Variants in C1QTNF7 observed in about 807,000 individuals in gnomAD.
C1QTNF7 encodes the protein complement C1q tumor necrosis factor-related protein 7.
C1QTNF7 carries 15 observed loss-of-function variants against 19.6 expected under a neutral mutation model. That is an observed-to-expected ratio of 0.76 (90% CI 0.51 to 1.18). The LOEUF (loss-of-function observed/expected upper bound fraction) is 1.18. Among genes scored for constraint, C1QTNF7 ranks in the 50% most tolerant of loss-of-function variants. The probability of loss-of-function intolerance (pLI) is 0.00; values close to 1 mark genes in which losing one functional copy is unlikely to be tolerated. For missense variants in C1QTNF7, 324 were observed against 359.7 expected, an observed-to-expected ratio of 0.90 and a Z score of 0.80; for synonymous variants, 142 against 137.5, an observed-to-expected ratio of 1.03 and a Z score of -0.23.
intron 1 of C1QTNF7, among the ~76,000 whole-genome samples, chr4:15,371,718 G>A (rs1717735476): frequency 6.6e-6 from 1 of 152,110 alleles, no homozygotes; most frequent in African/African-American, 2.4e-5. Flanking sequence ...ACATCCCGGG[G>A]AAGAAGCATG....
intron 1 of C1QTNF7, among the ~76,000 whole-genome samples, chr4:15,428,588 G>C (rs1221795651): frequency 6.6e-6 from 1 of 152,170 alleles, no homozygotes; most frequent in African/African-American, 2.4e-5. Flanking sequence ...CAATTGTGTG[G>C]CCTTGCAGGG....
At chr4:15,386,481 A>G (rs1420900962) in intron 1 of C1QTNF7, among the ~76,000 whole-genome samples, 1 of 151,630 alleles carries the variant, frequency 6.6e-6, no homozygotes, top group Admixed American at 6.6e-5. Flanking sequence ...CTTATATTTT[A>G]TGGGGAAGAC....
chr4:15,428,171 C>T (rs374998364), intron 1 of C1QTNF7, 65 bp downstream of exon 1: 38 of 740,910 alleles, frequency 5.1e-5, no homozygotes, highest in South Asian at 4.3e-4. Flanking sequence ...GTTCTCGTGA[C>T]GGGAGCTTTT....
intron 1 of C1QTNF7, among the ~76,000 whole-genome samples, chr4:15,357,844 C>A (rs1042257518): frequency 6.6e-6 from 1 of 152,234 alleles, no homozygotes; most frequent in Non-Finnish European, 1.5e-5. Context: ...CTCTTTGTAG[C>A]AATTGTGAAT....
At chr4:15,378,526 C>G (rs1195458411) in intron 1 of C1QTNF7, among the ~76,000 whole-genome samples, 1 of 152,178 alleles carries the variant, frequency 6.6e-6, no homozygotes, top group African/African-American at 2.4e-5. Flanking sequence ...TCATCACAGA[C>G]AAACTAGTAT....
At chr4:15,407,333 G>C (rs889938276) in intron 1 of C1QTNF7, among the ~76,000 whole-genome samples, 9 of 152,188 alleles carry the variant, frequency 5.9e-5, no homozygotes, top group African/African-American at 2.2e-4. Flanking sequence ...TTGCAAAGTA[G>C]TTATTATTCT....
Position 15,435,832 on chromosome 4 carries a change from C to T in C1QTNF7, c.89C>T (p.Pro30Leu). The part of the protein sequence containing the change: ...GNQLKGENYS[P>L]RYICSIPGLP... ...CAGTTGAAAGGAGAGAACTACTCCC[C>T]CAGGTATATCTGCAGCATTCCTGGC... The change falls in exon 2 of 3, where the codon CCC (proline) becomes CTC (leucine). Residue 30 changes from proline (P) to leucine (L), a missense_variant. Pro to Leu is a moderately conservative substitution (Grantham distance 98). Coordinates refer to ENST00000444304, the MANE Select transcript of C1QTNF7 (RefSeq NM_031911.5). 2 of 1,614,116 alleles carry T rather than the reference C, an allele frequency of 1.2e-6. No homozygotes were observed. The highest frequency in any genetic ancestry group is 1.7e-6 in the Non-Finnish European group (2 of 1,180,028).
At chr4:15,416,869 T>A (rs1274604811) in intron 1 of C1QTNF7, among the ~76,000 whole-genome samples, 1 of 152,224 alleles carries the variant, frequency 6.6e-6, no homozygotes, top group Non-Finnish European at 1.5e-5. Context: ...AGGCTTCAGT[T>A]GAAAGAAAAA....
At chr4:15,439,140 G>A (rs1712648828) in intron 2 of C1QTNF7, among the ~76,000 whole-genome samples, 2 of 152,196 alleles carry the variant, frequency 1.3e-5, no homozygotes, top group South Asian at 2.1e-4. Context: ...GAAGGACAAT[G>A]ACTCATCCCT....
At chr4:15,418,709 G>C (rs1711574062) in intron 1 of C1QTNF7, among the ~76,000 whole-genome samples, 1 of 138,868 alleles carries the variant, frequency 7.2e-6, no homozygotes, top group Non-Finnish European at 1.7e-5. Flanking sequence ...AAATACAGTA[G>C]TTAAGTGTCC....
intron 1 of C1QTNF7, among the ~76,000 whole-genome samples, chr4:15,410,203 C>A (rs995826519): frequency 2.0e-5 from 3 of 152,064 alleles, no homozygotes; most frequent in Admixed American, 6.6e-5. Context: ...TATTTTGGAG[C>A]TTTGGCTTAT....
chr4:15,359,023 G>A (rs1717245281), intron 1 of C1QTNF7, among the ~76,000 whole-genome samples: 1 of 152,140 alleles, frequency 6.6e-6, no homozygotes, highest in Non-Finnish European at 1.5e-5. Flanking sequence ...GGACAATTGG[G>A]CATGCACCAG....
chr4:15,384,080 A>G (rs1718243835), intron 1 of C1QTNF7, among the ~76,000 whole-genome samples: 1 of 152,258 alleles, frequency 6.6e-6, no homozygotes, highest in Non-Finnish European at 1.5e-5. Context: ...CCACTGAGGC[A>G]GGTGAGAAGC....
At chr4:15,374,720 C>T in intron 1 of C1QTNF7, 1 of 985,372 alleles carries the variant, frequency 1.0e-6, no homozygotes, top group Non-Finnish European at 1.2e-6. Flanking sequence ...TCCACATCTG[C>T]GCACACTAGA....
In C1QTNF7 at chr4:15,361,033, C is replaced by G. The variant is rs550897660; in HGVS notation, c.13+20826C>G. The G allele has an allele frequency of 2.0e-5, 3 of 152,222 alleles. No homozygotes were observed. In the East Asian group the frequency reaches 5.8e-4, roughly 29 times the overall value. 9.4% of individuals were successfully genotyped at this position (152,222 alleles called of 1,614,324 possible). A position where few individuals can be genotyped will look rare whatever the true frequency, so the allele number is the denominator to read the frequency against. On this transcript the variant is annotated intron_variant, in intron 1 of 2. Coordinates refer to the C1QTNF7 transcript ENST00000295297. Reference sequence around the variant, plus strand: ...CTCATCTATTATCTTCTATGATAAGCTACTATATTTCTAATAAGGAAAAGC... The same window carrying G: ...CTCATCTATTATCTTCTATGATAAGGTACTATATTTCTAATAAGGAAAAGC...
intron 1 of C1QTNF7, among the ~76,000 whole-genome samples, chr4:15,366,295 C>T (rs1451652348): frequency 6.6e-6 from 1 of 152,204 alleles, no homozygotes; most frequent in Non-Finnish European, 1.5e-5. Context: ...GGAACCCCCT[C>T]AATCCCAGGA....
At chr4:15,420,000 A>T (rs577612930) in intron 1 of C1QTNF7, 17 of 152,302 alleles carry the variant, frequency 1.1e-4, no homozygotes, top group African/African-American at 3.4e-4. Context: ...CAAGAAATCT[A>T]TCTATTAATA....
intron 1 of C1QTNF7, among the ~76,000 whole-genome samples, chr4:15,365,495 C>T (rs1014811340): frequency 2.6e-5 from 4 of 152,150 alleles, no homozygotes; most frequent in East Asian, 1.9e-4. Flanking sequence ...ACCCGTCTCT[C>T]GGGACTGACT....
At chr4:15,417,295 C>T (rs1224233464) in intron 1 of C1QTNF7, among the ~76,000 whole-genome samples, 1 of 152,204 alleles carries the variant, frequency 6.6e-6, no homozygotes, top group African/African-American at 2.4e-5. Flanking sequence ...CAGAGAACCC[C>T]ATACTACTAA....
Sources: gnomAD v4.1 joint callset for allele counts (sites outside exome capture counted in the v4.1 genomes callset) on GRCh38, gnomAD v4.1.1 for gene constraint, MANE v1.5 for transcripts, NCBI Gene and HGNC (gene_info 2026-07-23, HGNC 2026-07-21) for gene names.